ZNF678: variants seen among roughly 807,000 people sequenced by gnomAD.
The protein encoded by ZNF678 is zinc finger protein 678.
Under a neutral mutation model 3.0 loss-of-function variants are expected in ZNF678, and 5 were observed. The ratio of observed to expected loss-of-function variants is 1.69; its 90% confidence interval spans 0.88 to 3.56. The LOEUF (loss-of-function observed/expected upper bound fraction) is 3.56. Among genes scored for constraint, ZNF678 ranks in the 30% most tolerant of loss-of-function variants. The probability of loss-of-function intolerance (pLI) is 0.00; values close to 1 mark genes in which losing one functional copy is unlikely to be tolerated. For synonymous variants in ZNF678, 218 were observed against 199.6 expected (o/e 1.09, Z -0.78); for missense variants, 593 against 605.0 (o/e 0.98, Z 0.21).
chr1:227,581,697 A>G lies in ZNF678; in HGVS notation c.-164+17973A>G, dbSNP rs181774168. On this transcript the variant is annotated intron_variant, in intron 1 of 3. Coordinates refer to ENST00000343776, the MANE Select transcript of ZNF678 (RefSeq NM_001367909.1). ...TTTCGATTGTGTCTAGTTTGGGACT[A>G]TTATGAATACTCTTGCTTTGAACTT... 2.9e-3 allele frequency among the ~76,000 whole-genome samples: 449 copies of G among 152,310 alleles called. 1 individual carries two copies. Among genetic ancestry groups the G allele is most frequent in the Non-Finnish European group, 5.1e-3 (346 of 68,032 alleles).
intron 1 of ZNF678, among the ~76,000 whole-genome samples, chr1:227,621,736 A>G (rs1176062570): frequency 2.0e-5 from 3 of 152,204 alleles, no homozygotes; most frequent in Non-Finnish European, 4.4e-5. Flanking sequence ...CAACTGAATG[A>G]ATGGACTTTT....
chr1:227,629,193 G>C (rs1658492840), intron 1 of ZNF678, among the ~76,000 whole-genome samples: 1 of 152,118 alleles, frequency 6.6e-6, no homozygotes, highest in Non-Finnish European at 1.5e-5. Flanking sequence ...CGGGTCTAAG[G>C]GGGTACTGCC....
intron 1 of ZNF678, among the ~76,000 whole-genome samples, chr1:227,574,480 C>T (rs1273464788): frequency 4.6e-5 from 7 of 151,938 alleles, no homozygotes; most frequent in East Asian, 2.0e-4. Context: ...TTTTGAAAAG[C>T]GTCTGTTCAT....
chr1:227,619,100 A>G (rs750893100), intron 1 of ZNF678, among the ~76,000 whole-genome samples: 3 of 152,122 alleles, frequency 2.0e-5, no homozygotes, highest in Non-Finnish European at 4.4e-5. Flanking sequence ...CCATGATTTA[A>G]TTATCCCCAC....
At chr1:227,671,536 A>G (rs1659602282) in intron 5 of ZNF678, among the ~76,000 whole-genome samples, 1 of 152,144 alleles carries the variant, frequency 6.6e-6, no homozygotes, top group Non-Finnish European at 1.5e-5. Context: ...AGTCTCCATA[A>G]GGGATTCTTC....
At chr1:227,624,380 A>G (rs894900550) in intron 1 of ZNF678, among the ~76,000 whole-genome samples, 2 of 152,244 alleles carry the variant, frequency 1.3e-5, no homozygotes, top group African/African-American at 4.8e-5. Context: ...AATTAGGTGC[A>G]TACTCAGAGT....
chr1:227,617,728 A>G (rs1558144681), intron 1 of ZNF678, among the ~76,000 whole-genome samples: 3 of 152,222 alleles, frequency 2.0e-5, no homozygotes, highest in Non-Finnish European at 4.4e-5. Flanking sequence ...CATGATTGAA[A>G]AATTGATGAA....
intron 3 of ZNF678, among the ~76,000 whole-genome samples, chr1:227,651,874 C>G (rs1434699703): frequency 1.3e-5 from 2 of 152,180 alleles, no homozygotes; most frequent in African/African-American, 4.8e-5. Context: ...GTGCCCGGCT[C>G]TGTCACAAAG....
chr1:227,584,961 G>C (rs1439279344), intron 1 of ZNF678, among the ~76,000 whole-genome samples: 1 of 152,230 alleles, frequency 6.6e-6, no homozygotes, highest in Non-Finnish European at 1.5e-5. Flanking sequence ...AAAGTTTATA[G>C]ATGGGCCTAG....
chr1:227,593,213 T>G (rs933623118), intron 1 of ZNF678, among the ~76,000 whole-genome samples: 13 of 152,262 alleles, frequency 8.5e-5, no homozygotes, highest in Non-Finnish European at 1.6e-4. Context: ...GGGGACAGTT[T>G]GGGCCTCTGG....
At chr1:227,633,270 A>G (rs1214564329) in intron 1 of ZNF678, among the ~76,000 whole-genome samples, 8 of 152,218 alleles carry the variant, frequency 5.3e-5, no homozygotes, top group East Asian at 1.9e-4. Context: ...CAGAGCTCCC[A>G]TACAACGGGA....
chr1:227,591,756 T>C (rs944252216), intron 1 of ZNF678, among the ~76,000 whole-genome samples: 2 of 152,124 alleles, frequency 1.3e-5, no homozygotes, highest in Non-Finnish European at 2.9e-5. Flanking sequence ...TTTTTAGAGT[T>C]CCAGTACACT....
At chr1:227,566,405 A>C (rs1176111879) in intron 1 of ZNF678, among the ~76,000 whole-genome samples, 1 of 152,252 alleles carries the variant, frequency 6.6e-6, no homozygotes, top group Admixed American at 6.5e-5. Context: ...GAGAAAAACT[A>C]GTCCAAAGGA....
chr1:227,644,199 A>C (rs1658899174), intron 1 of ZNF678, among the ~76,000 whole-genome samples: 1 of 152,178 alleles, frequency 6.6e-6, no homozygotes, highest in Non-Finnish European at 1.5e-5. Flanking sequence ...TGATAGAGAA[A>C]TGGAAAAAGA....
At chr1:227,637,528 A>G (rs1658709742) in intron 1 of ZNF678, among the ~76,000 whole-genome samples, 1 of 152,196 alleles carries the variant, frequency 6.6e-6, no homozygotes, top group Admixed American at 6.5e-5. Flanking sequence ...CTGGAGGGTG[A>G]GTCCCTTAGA....
Position 227,656,821 on chromosome 1 carries a change from T to C in ZNF678, c.*993T>C, listed in dbSNP as rs1659260799. Reference sequence around the variant, plus strand: ...TGCAATTTCTTTTCATAAAACAAAATTATTTTTAATGTGTTAAGAATATTT... The same window carrying C: ...TGCAATTTCTTTTCATAAAACAAAACTATTTTTAATGTGTTAAGAATATTT... On this transcript the variant is annotated 3_prime_UTR_variant, in exon 4 of 4. Coordinates refer to ENST00000343776, the MANE Select transcript of ZNF678 (RefSeq NM_001367909.1). 6.6e-6 allele frequency: 1 copy of C among 151,974 alleles called. No individual in the cohort carries two copies. Among genetic ancestry groups the C allele is most frequent in the South Asian group, 2.1e-4 (1 of 4,834 alleles). The allele number at this position is 151,974 out of a possible 1,614,324, so 9.4% of individuals were successfully genotyped here. A position where few individuals can be genotyped will look rare whatever the true frequency, so the allele number is the denominator to read the frequency against.
chr1:227,633,355 T>C (rs958947745), intron 1 of ZNF678, among the ~76,000 whole-genome samples: 26 of 152,248 alleles, frequency 1.7e-4, no homozygotes, highest in African/African-American at 6.3e-4. Flanking sequence ...CCTCTCCCTG[T>C]GCTCTCAGGC....
At chr1:227,603,204 A>G (rs1319179838) in intron 1 of ZNF678, among the ~76,000 whole-genome samples, 1 of 152,070 alleles carries the variant, frequency 6.6e-6, no homozygotes, top group South Asian at 2.1e-4. Flanking sequence ...AGAGCTCCAA[A>G]TCTGTTCCTC....
chr1:227,601,250 A>T (rs1010757224), intron 1 of ZNF678, among the ~76,000 whole-genome samples: 5 of 151,950 alleles, frequency 3.3e-5, no homozygotes, highest in African/African-American at 1.2e-4. Flanking sequence ...AGTCTTTTTT[A>T]AAAAAAAGTT....
Sources: gnomAD v4.1 joint callset for allele counts (sites outside exome capture counted in the v4.1 genomes callset) on GRCh38, gnomAD v4.1.1 for gene constraint, MANE v1.5 for transcripts, NCBI Gene and HGNC (gene_info 2026-07-23, HGNC 2026-07-21) for gene names.